Variants in MBD2 observed in about 807,000 individuals in gnomAD.
MBD2 encodes the protein methyl-CpG binding domain protein 2.
A neutral mutation model predicts 39.3 loss-of-function variants in MBD2; 9 were observed. The observed-to-expected ratio is 0.23, with a 90% CI of 0.14 to 0.40. The LOEUF (loss-of-function observed/expected upper bound fraction) is 0.40. MBD2 is among the 10% of genes least tolerant of loss of function. The pLI, the probability that MBD2 is intolerant of heterozygous loss-of-function variation, is 1.00. For missense variants in MBD2, 458 were observed against 532.6 expected (o/e 0.86, Z 1.38); for synonymous variants, 233 against 211.1 (o/e 1.10, Z -0.90).
intron 1 of MBD2, among the ~76,000 whole-genome samples, chr18:54,214,922 A>T (rs139041496): frequency 0.017 from 2,656 of 151,938 alleles, 80 homozygotes; most frequent in African/African-American, 0.061. Flanking sequence ...TGTATTTCTT[A>T]GTAGAGATGG....
At chr18:54,223,996 C>CAA in intron 1 of MBD2, 22 bp downstream of exon 1, 8 of 1,576,478 alleles carry the variant, frequency 5.1e-6, no homozygotes, top group Non-Finnish European at 6.9e-6. Context: ...CCGCCACCCC[C>CAA]TCCCCGCCCC....
At chr18:54,219,013 A>G (rs767362171) in intron 1 of MBD2, among the ~76,000 whole-genome samples, 6 of 152,178 alleles carry the variant, frequency 3.9e-5, no homozygotes, top group Non-Finnish European at 5.9e-5. Context: ...CATTTAGCAA[A>G]ATACTACTAA....
At chr18:54,170,753 T>G (rs1477265251) in intron 3 of MBD2, among the ~76,000 whole-genome samples, 1 of 152,122 alleles carries the variant, frequency 6.6e-6, no homozygotes, top group East Asian at 1.9e-4. Context: ...ACTGCAATAA[T>G]GAAGATCCAA....
intron 1 of MBD2, among the ~76,000 whole-genome samples, chr18:54,217,748 T>C (rs1023185479): frequency 1.3e-5 from 2 of 152,234 alleles, no homozygotes; most frequent in Non-Finnish European, 2.9e-5. Context: ...TCTACCAATT[T>C]CTGTTGGAGA....
intron 6 of MBD2, among the ~76,000 whole-genome samples, chr18:54,155,952 C>T (rs551828564): frequency 3.9e-5 from 6 of 152,086 alleles, no homozygotes; most frequent in East Asian, 1.9e-4. Flanking sequence ...CAGTAAATTG[C>T]GGCCTGTTAT....
intron 3 of MBD2, among the ~76,000 whole-genome samples, chr18:54,177,996 C>A (rs2086224717): frequency 6.6e-6 from 1 of 151,906 alleles, no homozygotes; most frequent in Non-Finnish European, 1.5e-5. Flanking sequence ...CACACCACTG[C>A]GCCAGCTAGT....
intron 3 of MBD2, among the ~76,000 whole-genome samples, chr18:54,175,663 G>A (rs1317572765): frequency 6.6e-6 from 1 of 152,086 alleles, no homozygotes; most frequent in Non-Finnish European, 1.5e-5. Context: ...GAGAGAACTT[G>A]TGTCTTATTT....
At chr18:54,218,120 T>A (rs1016372439) in intron 1 of MBD2, among the ~76,000 whole-genome samples, 3 of 152,228 alleles carry the variant, frequency 2.0e-5, no homozygotes, top group Non-Finnish European at 2.9e-5. Context: ...TAGAGATTTT[T>A]AAAAAATTGA....
intron 2 of MBD2, among the ~76,000 whole-genome samples, chr18:54,201,525 C>A (rs1327254005): frequency 3.9e-5 from 6 of 152,132 alleles, no homozygotes; most frequent in Non-Finnish European, 7.4e-5. Flanking sequence ...ACCCTACCCA[C>A]CCATCCTAAA....
Position 54,159,785 on chromosome 18 carries a change from C to T in MBD2, c.1228G>A (p.Glu410Lys). Reference protein sequence around the residue: ...EMDIEMDSGDEA With the variant: ...EMDIEMDSGDKA The stretch of plus-strand genomic sequence containing the variant: ...TTTACCTGATCATATTCTTAGGCTT[C>T]ATCTCCACTGTCCATTTCAATATCC... Residue 410 changes from glutamate (E) to lysine (K), a missense_variant, in exon 6 of 7, where the codon GAA becomes AAA. This residue lies in a region of MBD2 where 189 missense variants were observed against 296.6 expected (regional missense o/e 0.64). Coordinates refer to ENST00000256429, the MANE Select transcript of MBD2 (RefSeq NM_003927.5). 6.2e-7 allele frequency: 1 copy of T among 1,610,428 alleles called. No homozygotes were observed.
intron 5 of MBD2, among the ~76,000 whole-genome samples, chr18:54,161,196 A>C (rs948606715): frequency 6.6e-6 from 1 of 152,206 alleles, no homozygotes; most frequent in Non-Finnish European, 1.5e-5. Flanking sequence ...AAGGTAGTCA[A>C]GGTAACATAT....
chr18:54,199,954 T>G (rs981079394), intron 2 of MBD2, among the ~76,000 whole-genome samples: 1 of 152,180 alleles, frequency 6.6e-6, no homozygotes, highest in Non-Finnish European at 1.5e-5. Flanking sequence ...CACAAAATTT[T>G]TTATTATTGT....
chr18:54,169,729 T>C (rs1420310967), intron 3 of MBD2, among the ~76,000 whole-genome samples: 2 of 152,214 alleles, frequency 1.3e-5, no homozygotes, highest in Non-Finnish European at 2.9e-5. Context: ...CCAAATCCAG[T>C]GGTTTTCTCA....
chr18:54,198,910 C>A (rs1451065836), intron 2 of MBD2, among the ~76,000 whole-genome samples: 1 of 152,196 alleles, frequency 6.6e-6, no homozygotes, highest in Non-Finnish European at 1.5e-5. Context: ...CTCTTCTTCT[C>A]ATTCAAGCTT....
chr18:54,205,280 G>A, intron 1 of MBD2, 123 bp from the exon 2 acceptor site: 1 of 976,158 alleles, frequency 1.0e-6, no homozygotes, highest in Non-Finnish European at 1.5e-6. Flanking sequence ...TTAAAGAAAT[G>A]TTAAAGTTTT....
chr18:54,180,459 G>A (rs532592152), intron 3 of MBD2, among the ~76,000 whole-genome samples: 18 of 152,190 alleles, frequency 1.2e-4, no homozygotes, highest in African/African-American at 3.4e-4. Context: ...TCATAATAAC[G>A]TAAACCCTGA....
rs1403629651 is a variant in MBD2 at position 54,155,628 on chromosome 18, G to T, written c.*13-317C>A. Among the ~76,000 whole-genome samples the T allele has an allele frequency of 8.5e-5, 13 of 152,218 alleles. No individual in the cohort carries two copies. In the South Asian group the frequency reaches 2.7e-3, roughly 32 times the overall value. On this transcript the variant is annotated intron_variant, in intron 6 of 6. Transcript: ENST00000256429. ...TCAGCATAAAAAGAGAATTCAAAGG[G>T]CATACAAATGAAAAAGCAGAACAGA...
chr18:54,152,079 A>T lies in MBD2; in HGVS notation c.*3245T>A, dbSNP rs2143900885. On this transcript the variant is annotated 3_prime_UTR_variant, in exon 7 of 7. Transcript: ENST00000256429. ...AGTAGAAACAGACATGCAAAAAAAA[A>T]TTACAATACAATACAATAAAGTGCT... 6.6e-6 allele frequency: 1 copy of T among 152,358 alleles called. No homozygotes were observed. Among genetic ancestry groups the T allele is most frequent in the Middle Eastern group, 3.4e-3 (1 of 294 alleles). The allele number at this position is 152,358 out of a possible 1,614,324, so 9.4% of individuals were successfully genotyped here.
chr18:54,207,036 G>T (rs904050389), intron 1 of MBD2, among the ~76,000 whole-genome samples: 14 of 152,192 alleles, frequency 9.2e-5, no homozygotes, highest in Middle Eastern at 3.4e-3. Context: ...ATCTTTCAGC[G>T]CCCCCATGTC....
Sources: allele counts gnomAD v4.1 joint callset (sites outside exome capture counted in the v4.1 genomes callset), GRCh38; gene constraint gnomAD v4.1.1; regional missense constraint gnomAD v4.1.1; transcripts MANE v1.5; gene names NCBI Gene and HGNC (gene_info 2026-07-23, HGNC 2026-07-21).